Variants in SEC23B observed in about 807,000 individuals in gnomAD.
SEC23B encodes the protein protein transport protein Sec23B.
Under a neutral mutation model 104.3 loss-of-function variants are expected in SEC23B, and 77 were observed. That is an observed-to-expected ratio of 0.74 (90% CI 0.61 to 0.89). The LOEUF (loss-of-function observed/expected upper bound fraction) is 0.89. SEC23B is among the 40% of genes least tolerant of loss of function. The pLI is 0.00. For synonymous variants in SEC23B, 338 were observed against 332.5 expected (o/e 1.02, Z -0.18); for missense variants, 885 against 949.4 (o/e 0.93, Z 0.89).
At chr20:18,525,128 A>C (rs1335924324) in intron 6 of SEC23B, 108 bp downstream of exon 6, 1 of 1,060,340 alleles carries the variant, frequency 9.4e-7, no homozygotes, top group African/African-American at 1.6e-5. Flanking sequence ...TTATTAGAGA[A>C]AAAGATAAAT....
At chr20:18,554,171 C>A in intron 17 of SEC23B, 64 bp from the exon 18 acceptor site, 1 of 1,569,500 alleles carries the variant, frequency 6.4e-7, no homozygotes, top group South Asian at 1.1e-5. Flanking sequence ...GGTAGAATGT[C>A]AGTGTCAGTG....
chr20:18,554,315 G>A lies in SEC23B; in HGVS notation c.2073G>A (p.Leu691=). ...TCAAGCACCTTCTGCAGGCACCACT[G>A]GATGATGCTCAAGAAATTCTGCAAG... ...ENFKHLLQAP[L]DDAQEILQAR... The change falls in exon 18 of 20, where the codon CTG becomes CTA. Residue 691 remains leucine, a synonymous_variant. Transcript: ENST00000650089. The A allele has an allele frequency of 2.5e-6, 4 of 1,614,142 alleles. No homozygotes were observed. Among genetic ancestry groups the A allele is most frequent in the South Asian group, 2.2e-5 (2 of 91,076 alleles).
At chr20:18,530,889 G>A (rs771530026) in intron 10 of SEC23B, 86 bp downstream of exon 10, 69 of 1,097,360 alleles carry the variant, frequency 6.3e-5, no homozygotes, top group South Asian at 1.7e-4. Flanking sequence ...CAATTTTCCC[G>A]CCTCAGCGTC....
At chr20:18,554,069 C>T (rs1239618371) in intron 17 of SEC23B, among the ~76,000 whole-genome samples, 166 bp from the exon 18 acceptor site, 3 of 152,212 alleles carry the variant, frequency 2.0e-5, no homozygotes, top group African/African-American at 7.2e-5. Context: ...TCCTGCTTCT[C>T]CTCCTGCCGG....
At chr20:18,508,759 G>C (rs970105983) in intron 1 of SEC23B, among the ~76,000 whole-genome samples, 3 of 119,090 alleles carry the variant, frequency 2.5e-5, no homozygotes, top group African/African-American at 9.8e-5. Flanking sequence ...TCGCTCTGTC[G>C]CCCAGGCTGG....
At chr20:18,514,383 C>T (rs1198016103) in intron 3 of SEC23B, among the ~76,000 whole-genome samples, 1 of 152,156 alleles carries the variant, frequency 6.6e-6, no homozygotes. Flanking sequence ...AGTGGGCAGT[C>T]ATGGCCAGGA....
intron 12 of SEC23B, among the ~76,000 whole-genome samples, chr20:18,541,326 T>C (rs1043446649): frequency 1.3e-5 from 2 of 152,270 alleles, no homozygotes; most frequent in Non-Finnish European, 2.9e-5. Flanking sequence ...CACTTTCTTA[T>C]CATTCACGTG....
Position 18,546,048 on chromosome 20 carries a change from T to G in SEC23B, c.1743+15T>G, listed in dbSNP as rs766409502. Reference sequence around the variant, plus strand: ...TATATCCTCAGGTAAGTAATGTATGTTTCTAAAATAACTACAGAGCAATAA... The same window carrying G: ...TATATCCTCAGGTAAGTAATGTATGGTTCTAAAATAACTACAGAGCAATAA... On this transcript the variant is annotated intron_variant, in intron 15 of 19. Coordinates refer to ENST00000650089, the MANE Select transcript of SEC23B (RefSeq NM_006363.6). The G allele has an allele frequency of 7.6e-7, 1 of 1,323,562 alleles. No homozygotes were observed. The highest frequency in any genetic ancestry group is 1.2e-5 in the South Asian group (1 of 85,188). 82.0% of individuals were successfully genotyped at this position (1,323,562 alleles called of 1,614,324 possible). A position where few individuals can be genotyped will look rare whatever the true frequency, so the allele number is the denominator to read the frequency against.
chr20:18,524,358 A>G, intron 4 of SEC23B, 75 bp from the exon 5 acceptor site: 2 of 1,021,918 alleles, frequency 2.0e-6, no homozygotes, highest in Non-Finnish European at 3.1e-6. Flanking sequence ...CAATTTTCAT[A>G]CCTAATTTGC....
chr20:18,548,761 G>T lies in SEC23B; in HGVS notation c.1896G>T (p.Gly632=). The T allele has an allele frequency of 1.9e-6, 3 of 1,614,060 alleles. No individual in the cohort carries two copies. The highest frequency in any genetic ancestry group is 2.5e-6 in the Non-Finnish European group (3 of 1,179,998). Residue 632 remains glycine (G), a synonymous_variant, in exon 16 of 20, where the codon GGG becomes GGT. Coordinates refer to ENST00000650089, the MANE Select transcript of SEC23B (RefSeq NM_006363.6). ...TTCTCTACTCTTACTCCTTTCATGG[G>T]CCACCAGAGGTGAGGCTCTACCCAA... ...QPILYSYSFH[G]PPEPVLLDSS...
At chr20:18,526,285 C>A in intron 7 of SEC23B, 88 bp from the exon 8 acceptor site, 3 of 1,411,900 alleles carry the variant, frequency 2.1e-6, no homozygotes, top group Non-Finnish European at 2.0e-6. Flanking sequence ...GGAGAGAATG[C>A]ATCTTTGGAG....
At position 18,525,923 on chromosome 20, in the gene SEC23B, CT is replaced by C; in HGVS notation, c.827del (p.Leu276CysfsTer33). On this transcript the variant is annotated frameshift_variant, in exon 7 of 20. Coordinates refer to ENST00000650089, the MANE Select transcript of SEC23B (RefSeq NM_006363.6). LOFTEE classifies it high-confidence loss of function. ...TGVALSIAVG[L>X]LEGTFPNTGA... ...GTGTGGCTTTGTCCATTGCTGTTGG[CT>C]TGCTGGAGGTAATTTAAAATTTACC... 6.2e-7 allele frequency: 1 copy of C among 1,614,166 alleles called. No homozygotes were observed. The highest frequency in any genetic ancestry group is 1.1e-5 in the South Asian group (1 of 91,088).
chr20:18,520,458 A>C (rs986228789), intron 4 of SEC23B, among the ~76,000 whole-genome samples: 1 of 152,108 alleles, frequency 6.6e-6, no homozygotes, highest in African/African-American at 2.4e-5. Flanking sequence ...TGGGGGGTAC[A>C]AGAGGAGGAT....
intron 9 of SEC23B, among the ~76,000 whole-genome samples, chr20:18,529,018 A>C (rs958029323): frequency 6.6e-6 from 1 of 152,204 alleles, no homozygotes; most frequent in African/African-American, 2.4e-5. Flanking sequence ...ATCCAAATAC[A>C]TTGTTTTCTG....
At chr20:18,534,085 A>G (rs2148907107) in intron 11 of SEC23B, among the ~76,000 whole-genome samples, 1 of 152,238 alleles carries the variant, frequency 6.6e-6, no homozygotes, top group Non-Finnish European at 1.5e-5. Flanking sequence ...TTTTGCCATA[A>G]TTGCTCTGTT....
intron 12 of SEC23B, among the ~76,000 whole-genome samples, chr20:18,540,625 G>A (rs372406273): frequency 6.6e-6 from 1 of 152,216 alleles, no homozygotes; most frequent in South Asian, 2.1e-4. Flanking sequence ...GGAGGCCAAG[G>A]TGGGTGGATT....
chr20:18,521,229 T>C (rs1336999870), intron 4 of SEC23B, among the ~76,000 whole-genome samples: 2 of 152,224 alleles, frequency 1.3e-5, no homozygotes, highest in Non-Finnish European at 1.5e-5. Context: ...TTGTACACCT[T>C]GAAGGCGAGG....
chr20:18,535,578 A>G, intron 11 of SEC23B, 75 bp from the exon 12 acceptor site: 1 of 1,111,906 alleles, frequency 9.0e-7, no homozygotes, highest in South Asian at 1.3e-5. Context: ...CTACTCAGTC[A>G]GTACTTTTCA....
intron 15 of SEC23B, among the ~76,000 whole-genome samples, chr20:18,548,181 C>T (rs1165901385): frequency 6.6e-6 from 1 of 152,026 alleles, no homozygotes; most frequent in Admixed American, 6.6e-5. Flanking sequence ...GAACTCCCGA[C>T]CTCAGGTGAT....
Sources: gnomAD v4.1 joint callset for allele counts (sites outside exome capture counted in the v4.1 genomes callset) on GRCh38, gnomAD v4.1.1 for gene constraint, MANE v1.5 for transcripts, NCBI Gene and HGNC (gene_info 2026-07-23, HGNC 2026-07-21) for gene names.